The following DTNA variants were observed in gnomAD, a reference collection of about 807,000 sequenced individuals.
DTNA encodes the protein dystrobrevin alpha, also known as dystrophin-related protein 3.
DTNA carries 43 observed loss-of-function variants against 100.7 expected under a neutral mutation model. The ratio of observed to expected loss-of-function variants is 0.43; its 90% CI spans 0.33 to 0.55. DTNA has a LOEUF of 0.55. Ranked by LOEUF, DTNA falls within the 20% of genes least tolerant of loss-of-function variation. The pLI is 0.04. For synonymous variants in DTNA, 349 were observed against 347.9 expected (o/e 1.00, Z -0.04); for missense variants, 798 against 953.9 (o/e 0.84, Z 2.15).
intron 1 of DTNA, among the ~76,000 whole-genome samples, chr18:34,540,776 A>G (rs1024050134): frequency 3.3e-5 from 5 of 152,124 alleles, no homozygotes; most frequent in Non-Finnish European, 5.9e-5. Flanking sequence ...ACTTGATATC[A>G]TTAAAACTGT....
At chr18:34,609,856 A>G (rs2053889149) in intron 1 of DTNA, among the ~76,000 whole-genome samples, 1 of 152,176 alleles carries the variant, frequency 6.6e-6, no homozygotes, top group African/African-American at 2.4e-5. Context: ...GCCATTTTGA[A>G]AATAGGAAGT....
At chr18:34,702,425 T>C (rs1438522753) in intron 1 of DTNA, among the ~76,000 whole-genome samples, 1 of 152,188 alleles carries the variant, frequency 6.6e-6, no homozygotes, top group African/African-American at 2.4e-5. Context: ...GCATAAGTAT[T>C]AAACTGTAAG....
At chr18:34,565,341 G>A (rs1040307129) in intron 1 of DTNA, among the ~76,000 whole-genome samples, 1 of 152,232 alleles carries the variant, frequency 6.6e-6, no homozygotes, top group African/African-American at 2.4e-5. Context: ...TAACAGGGAA[G>A]AGGAATAATA....
At chr18:34,659,392 C>A (rs1229727839) in intron 1 of DTNA, among the ~76,000 whole-genome samples, 2 of 150,366 alleles carry the variant, frequency 1.3e-5, no homozygotes, top group African/African-American at 4.9e-5. Flanking sequence ...TTTACACTTC[C>A]AACACATCTT....
intron 3 of DTNA, among the ~76,000 whole-genome samples, chr18:34,791,171 A>G (rs529111248): frequency 3.3e-5 from 5 of 152,296 alleles, no homozygotes; most frequent in East Asian, 1.9e-4. Context: ...AGGGTTTCCT[A>G]TTCCTTACAA....
intron 1 of DTNA, among the ~76,000 whole-genome samples, chr18:34,700,825 C>T (rs528582554): frequency 6.6e-6 from 1 of 152,324 alleles, no homozygotes; most frequent in South Asian, 2.1e-4. Flanking sequence ...GTCTGAGCTA[C>T]CAACCTTGCT....
chr18:34,619,216 CTGGGCACATTGGGGGAAGCA>C (rs936897702), intron 1 of DTNA, among the ~76,000 whole-genome samples: 1 of 152,146 alleles, frequency 6.6e-6, no homozygotes, highest in African/African-American at 2.4e-5. Context: ...CAGAATAAGA[CTGGGCACATTGGGGGAAGCA>C]TCATAAAAGG....
At chr18:34,618,947 A>C (rs2055895248) in intron 1 of DTNA, among the ~76,000 whole-genome samples, 1 of 152,204 alleles carries the variant, frequency 6.6e-6, no homozygotes, top group Non-Finnish European at 1.5e-5. Context: ...TGACAGATAC[A>C]ATAGAAGCCC....
At chr18:34,785,645 G>A (rs60223040) in intron 3 of DTNA, among the ~76,000 whole-genome samples, 39,802 of 151,992 alleles carry the variant, frequency 0.26, 5,398 homozygotes, top group African/African-American at 0.32. Flanking sequence ...AATATAAATA[G>A]TATGTATATA....
At chr18:34,715,047 G>A (rs1415694993) in intron 1 of DTNA, among the ~76,000 whole-genome samples, 1 of 147,214 alleles carries the variant, frequency 6.8e-6, no homozygotes, top group Non-Finnish European at 1.5e-5. Context: ...TCACACTCTG[G>A]GGACTGTTGT....
At chr18:34,506,356 G>T (rs796384065) in intron 1 of DTNA, among the ~76,000 whole-genome samples, 6 of 152,196 alleles carry the variant, frequency 3.9e-5, no homozygotes, top group East Asian at 1.9e-4. Flanking sequence ...AATAGGGGGG[G>T]TCTTTATTAC....
intron 1 of DTNA, among the ~76,000 whole-genome samples, chr18:34,651,434 G>A (rs1466393072): frequency 6.6e-6 from 1 of 152,030 alleles, no homozygotes; most frequent in Non-Finnish European, 1.5e-5. Flanking sequence ...CCATATGCTA[G>A]CCACTTTTAT....
chr18:34,846,056 A>G (rs558302543), intron 13 of DTNA, among the ~76,000 whole-genome samples: 3 of 152,114 alleles, frequency 2.0e-5, no homozygotes, highest in South Asian at 2.1e-4. Flanking sequence ...TGTGTCTTCC[A>G]TTTTGTTTTC....
chr18:34,679,381 G>C (rs940978025), intron 1 of DTNA: 1 of 152,188 alleles, frequency 6.6e-6, no homozygotes, highest in South Asian at 2.1e-4. Flanking sequence ...GTATGTTCTA[G>C]ATCTGCCAAT....
At chr18:34,559,022 G>A (rs960590638) in intron 1 of DTNA, among the ~76,000 whole-genome samples, 15 of 152,122 alleles carry the variant, frequency 9.9e-5, no homozygotes, top group Non-Finnish European at 1.6e-4. Context: ...TTGGAACATG[G>A]CAACAGTTTC....
chr18:34,699,407 C>A (rs1375810910), intron 1 of DTNA, among the ~76,000 whole-genome samples: 1 of 152,194 alleles, frequency 6.6e-6, no homozygotes, highest in African/African-American at 2.4e-5. Flanking sequence ...GTAATTTTAA[C>A]AGATTGGATT....
chr18:34,882,051 T>G lies in DTNA; in HGVS notation c.2163-18T>G. ...TTTTAAGATTTGCTCTAACATGTCA[T>G]CTGTGGTTTATTTTCAGGGTTACGG... is the stretch of plus-strand genomic sequence containing the variant. On this transcript the variant is annotated intron_variant, in intron 20 of 22. Coordinates refer to ENST00000444659, the MANE Select transcript of DTNA (RefSeq NM_001386795.1). The G allele has an allele frequency of 6.2e-7, 1 of 1,614,070 alleles. No homozygotes were observed.
intron 1 of DTNA, among the ~76,000 whole-genome samples, chr18:34,654,778 G>A (rs1002766896): frequency 1.3e-5 from 2 of 152,042 alleles, no homozygotes; most frequent in Non-Finnish European, 2.9e-5. Context: ...CCAGGCTGGA[G>A]TGCAGTGGTG....
intron 1 of DTNA, among the ~76,000 whole-genome samples, chr18:34,704,263 A>G (rs2081830840): frequency 6.6e-6 from 1 of 152,174 alleles, no homozygotes; most frequent in Admixed American, 6.5e-5. Context: ...TTCCCCAGGG[A>G]GCCTTACAAA....
Sources: allele counts gnomAD v4.1 joint callset (sites outside exome capture counted in the v4.1 genomes callset), GRCh38; gene constraint gnomAD v4.1.1; transcripts MANE v1.5; gene names NCBI Gene and HGNC (gene_info 2026-07-23, HGNC 2026-07-21).